ARID1B: variants seen among roughly 807,000 people sequenced by gnomAD.
ARID1B encodes the protein AT-rich interaction domain 1B.
ARID1B carries 30 observed loss-of-function variants against 212.3 expected under a neutral mutation model. The observed-to-expected ratio is 0.14, with a 90% CI of 0.11 to 0.19. The LOEUF (loss-of-function observed/expected upper bound fraction) is 0.19. ARID1B is among the 10% of genes least tolerant of loss of function. The pLI is 1.00. For synonymous variants in ARID1B, 1,402 were observed against 1,301.7 expected, an observed-to-expected ratio of 1.08 and a Z score of -1.66; for missense variants, 2,891 against 3,204.0, an observed-to-expected ratio of 0.90 and a Z score of 2.36.
In ARID1B at chr6:157,117,706, G is replaced by A. The variant is rs1167160242; in HGVS notation, c.2581+7145G>A. 3.3e-5 allele frequency among the ~76,000 whole-genome samples: 5 copies of A among 152,240 alleles called. No homozygotes were observed. In the East Asian group the frequency reaches 9.6e-4, roughly 29 times the overall value. Reference sequence around the variant, plus strand: ...CACCCTGTCAAAGCACAAGACAACCGAACTAGAAAATCTTTATTGTTTGGA... The same window carrying A: ...CACCCTGTCAAAGCACAAGACAACCAAACTAGAAAATCTTTATTGTTTGGA... On this transcript the variant is annotated intron_variant, in intron 6 of 19. Coordinates refer to ENST00000636930, the MANE Select transcript of ARID1B (RefSeq NM_001374828.1).
intron 2 of ARID1B, among the ~76,000 whole-genome samples, chr6:156,844,300 G>A (rs1784089694): frequency 6.6e-6 from 1 of 152,192 alleles, no homozygotes; most frequent in South Asian, 2.1e-4. Flanking sequence ...CATACTTGGA[G>A]CAAGCGCTCA....
chr6:157,071,874 A>G (rs567248855), intron 4 of ARID1B: 10 of 152,348 alleles, frequency 6.6e-5, no homozygotes, highest in Non-Finnish European at 1.3e-4. Flanking sequence ...TCAAAAGGCC[A>G]TGCTATGAAA....
chr6:156,867,664 T>C (rs1027967369), intron 2 of ARID1B, among the ~76,000 whole-genome samples: 24 of 152,190 alleles, frequency 1.6e-4, no homozygotes, highest in African/African-American at 5.8e-4. Flanking sequence ...TACTTTTGGT[T>C]TCCTTTAGGC....
intron 2 of ARID1B, among the ~76,000 whole-genome samples, chr6:156,850,479 T>C (rs1393556664): frequency 6.6e-6 from 1 of 152,132 alleles, no homozygotes; most frequent in Non-Finnish European, 1.5e-5. Context: ...AAGACATAAG[T>C]GCCTAAAAGG....
intron 1 of ARID1B, among the ~76,000 whole-genome samples, chr6:156,818,847 G>A (rs77316797): frequency 0.031 from 4,734 of 152,058 alleles, 97 homozygotes; most frequent in Non-Finnish European, 0.044. Flanking sequence ...TCTGTCTTCT[G>A]CACATTGATG....
At chr6:157,107,680 A>G (rs1358032677) in intron 5 of ARID1B, 3 of 152,200 alleles carry the variant, frequency 2.0e-5, no homozygotes, top group African/African-American at 4.8e-5. Context: ...TTACATCATA[A>G]TAGACATTGC....
intron 5 of ARID1B, among the ~76,000 whole-genome samples, chr6:157,095,904 G>T (rs1785588824): frequency 2.0e-5 from 3 of 151,964 alleles, no homozygotes; most frequent in African/African-American, 7.2e-5. Flanking sequence ...ATATATTTTT[G>T]CTGCTTGTTC....
At chr6:157,028,673 C>T (rs1780820418) in intron 4 of ARID1B, among the ~76,000 whole-genome samples, 1 of 152,134 alleles carries the variant, frequency 6.6e-6, no homozygotes, top group African/African-American at 2.4e-5. Context: ...TTAATGCCCC[C>T]AAATCTACAA....
chr6:157,033,547 C>T (rs539313148), intron 4 of ARID1B, among the ~76,000 whole-genome samples: 161 of 152,282 alleles, frequency 1.1e-3, no homozygotes, highest in Middle Eastern at 3.4e-3. Context: ...AGTTTTACTT[C>T]CAAATTCAGG....
intron 6 of ARID1B, among the ~76,000 whole-genome samples, chr6:157,115,244 C>T (rs1366154679): frequency 1.3e-5 from 2 of 152,104 alleles, no homozygotes. Flanking sequence ...TTGATATTTT[C>T]TATGTATAGA....
In ARID1B at chr6:157,209,585, C is replaced by A. The variant is rs1794673641; in HGVS notation, c.*1694C>A. On this transcript the variant is annotated 3_prime_UTR_variant, in exon 20 of 20. Transcript: ENST00000636930. ...TTAACTGGCCTGAAAATGTAACATTCTGCCTTTTACTAACTCCATCTTAGT... is the reference window on the plus strand; with the variant it reads ...TTAACTGGCCTGAAAATGTAACATTATGCCTTTTACTAACTCCATCTTAGT... 1 of 233,104 alleles carries A rather than the reference C, an allele frequency of 4.3e-6. No individual in the cohort carries two copies. The highest frequency in any genetic ancestry group is 8.5e-6 in the Non-Finnish European group (1 of 118,024). 14.4% of individuals were successfully genotyped at this position (233,104 alleles called of 1,614,324 possible). A position where few individuals can be genotyped will look rare whatever the true frequency, so the allele number is the denominator to read the frequency against.
At chr6:157,182,674 G>A (rs1484001145) in intron 12 of ARID1B, among the ~76,000 whole-genome samples, 3 of 152,166 alleles carry the variant, frequency 2.0e-5, no homozygotes, top group Non-Finnish European at 4.4e-5. Context: ...CATTCCATGG[G>A]GGAACTGAGA....
chr6:156,994,725 C>T (rs1352933832), intron 4 of ARID1B, among the ~76,000 whole-genome samples: 1 of 152,202 alleles, frequency 6.6e-6, no homozygotes, highest in Non-Finnish European at 1.5e-5. Flanking sequence ...ATTTAGTAAC[C>T]TGTCCAAGAC....
At chr6:157,187,473 C>G (rs548390600) in intron 13 of ARID1B, among the ~76,000 whole-genome samples, 1 of 152,278 alleles carries the variant, frequency 6.6e-6, no homozygotes, top group Admixed American at 6.5e-5. Flanking sequence ...TCACTGTAGA[C>G]CTGGGACATA....
At chr6:156,893,623 A>G (rs1749382078) in intron 2 of ARID1B, among the ~76,000 whole-genome samples, 1 of 152,210 alleles carries the variant, frequency 6.6e-6, no homozygotes, top group South Asian at 2.1e-4. Context: ...AAAGGACTTG[A>G]ATAAACATTT....
intron 12 of ARID1B, among the ~76,000 whole-genome samples, chr6:157,182,610 G>C (rs1374689133): frequency 6.6e-6 from 1 of 152,046 alleles, no homozygotes; most frequent in Non-Finnish European, 1.5e-5. Context: ...CTGCGTCTCG[G>C]GGGAGAAAGG....
chr6:156,862,828 A>G (rs1270451977), intron 2 of ARID1B, among the ~76,000 whole-genome samples: 2 of 152,166 alleles, frequency 1.3e-5, no homozygotes, highest in Non-Finnish European at 2.9e-5. Flanking sequence ...TGTCTAGATC[A>G]CTCTTCCTGC....
chr6:156,849,738 G>T (rs1474442992), intron 2 of ARID1B, among the ~76,000 whole-genome samples: 3 of 151,828 alleles, frequency 2.0e-5, no homozygotes, highest in Non-Finnish European at 4.4e-5. Flanking sequence ...TAGCTTTTTT[G>T]GTTTTCTTTT....
rs1785509356 is a variant in ARID1B at position 157,094,890 on chromosome 6, G to A, written c.2491+9985G>A. Among the ~76,000 whole-genome samples the A allele has an allele frequency of 6.6e-6, 1 of 152,138 alleles. No homozygotes were observed. Among genetic ancestry groups the A allele is most frequent in the Non-Finnish European group, 1.5e-5 (1 of 68,026 alleles). ...CAGAAGGAGTTTGGCCGAAGGAATTGGTAAATGATGGTTCTGTACAGAAGA... is the reference window on the plus strand; with the variant it reads ...CAGAAGGAGTTTGGCCGAAGGAATTAGTAAATGATGGTTCTGTACAGAAGA... On this transcript the variant is annotated intron_variant, in intron 5 of 19. Transcript: ENST00000636930. The surrounding 1 kb of genome is among the most constrained non-coding windows in gnomAD (Gnocchi z 4.3).
Sources: allele counts gnomAD v4.1 joint callset (sites outside exome capture counted in the v4.1 genomes callset), GRCh38; gene constraint gnomAD v4.1.1; non-coding constraint Gnocchi (gnomAD v3.1); transcripts MANE v1.5; gene names NCBI Gene and HGNC (gene_info 2026-07-23, HGNC 2026-07-21).